Variants in NEDD1 observed in about 807,000 individuals in gnomAD.
NEDD1 encodes the protein protein NEDD1.
A neutral mutation model predicts 74.0 loss-of-function variants in NEDD1; 33 were observed. That is an observed-to-expected ratio of 0.45 (90% CI 0.34 to 0.60). NEDD1 has a LOEUF of 0.60. NEDD1 is among the 20% of genes least tolerant of loss of function. The probability of loss-of-function intolerance (pLI) is 0.01; values close to 1 mark genes in which losing one functional copy is unlikely to be tolerated. For synonymous variants in NEDD1, 250 were observed against 264.4 expected (o/e 0.95, Z 0.53); for missense variants, 746 against 776.5 (o/e 0.96, Z 0.47).
rs754872911 is a variant in NEDD1 at position 96,934,998 on chromosome 12, C to G, written c.512C>G (p.Ser171Cys). Residue 171 changes from serine to cysteine, a missense_variant, in exon 7 of 16, where the codon TCC becomes TGC. By Grantham distance (112) the Ser-to-Cys change is moderately radical (BLOSUM62 -1). This residue lies in a region of NEDD1 where 706 missense variants were observed against 706.7 expected (regional missense o/e 1.00). Coordinates refer to ENST00000266742, the MANE Select transcript of NEDD1 (RefSeq NM_152905.4). ...SNQSVRHLKY[S>C]LFKKSLLGSV... ...TAGTCTGTTCGGCACTTGAAGTACT[C>G]CTTGTTTAAGAAATCACTACTGGGC... 20 of 1,606,586 alleles carry G rather than the reference C, an allele frequency of 1.2e-5. No homozygotes were observed. The Admixed American group carries it at 3.3e-4, about 27-fold the overall frequency.
At chr12:96,912,294 T>C (rs1451853595) in intron 3 of NEDD1, among the ~76,000 whole-genome samples, 2 of 151,328 alleles carry the variant, frequency 1.3e-5, no homozygotes, top group Non-Finnish European at 2.9e-5. Flanking sequence ...AGGAGACTAG[T>C]GTGGATGTTT....
At chr12:96,922,091 G>A (rs1875164387) in intron 6 of NEDD1, among the ~76,000 whole-genome samples, 1 of 152,166 alleles carries the variant, frequency 6.6e-6, no homozygotes, top group Non-Finnish European at 1.5e-5. Context: ...GGTATTTAGG[G>A]AAATTAATCA....
intron 6 of NEDD1, among the ~76,000 whole-genome samples, chr12:96,929,094 T>C (rs1033700738): frequency 1.3e-5 from 2 of 151,966 alleles, no homozygotes; most frequent in African/African-American, 4.8e-5. Context: ...GATTTTTTGT[T>C]GTTGCATTTT....
chr12:96,923,788 TTG>T (rs10528785), intron 6 of NEDD1, among the ~76,000 whole-genome samples: 3,322 of 142,272 alleles, frequency 0.023, 82 homozygotes, highest in African/African-American at 0.057. Flanking sequence ...TAATACCTGT[TTG>T]TGTGTGTGTG....
intron 6 of NEDD1, among the ~76,000 whole-genome samples, chr12:96,932,999 C>CTTTTTTT (rs759478137): frequency 7.4e-6 from 1 of 135,230 alleles, no homozygotes; most frequent in Non-Finnish European, 1.6e-5. Context: ...TATCTTTAGC[C>CTTTTTTT]TTTTTTTTTT....
chr12:96,936,584 A>G (rs1338519064), intron 7 of NEDD1, 27 bp from the exon 8 acceptor site: 2 of 1,520,624 alleles, frequency 1.3e-6, no homozygotes, highest in East Asian at 2.3e-5. Context: ...TAACATTTCT[A>G]CACATACTTT....
intron 2 of NEDD1, among the ~76,000 whole-genome samples, chr12:96,909,443 C>T (rs1036061162): frequency 6.6e-6 from 1 of 152,032 alleles, no homozygotes; most frequent in Non-Finnish European, 1.5e-5. Flanking sequence ...ATGACTTTGC[C>T]TTTGCATGAG....
intron 6 of NEDD1, among the ~76,000 whole-genome samples, chr12:96,929,347 TG>T (rs1361013694): frequency 2.3e-5 from 1 of 42,922 alleles, no homozygotes; most frequent in Non-Finnish European, 4.9e-5. Flanking sequence ...TTTTTCTTAA[TG>T]TCTTGTATTT....
chr12:96,948,527 G>T (rs143778712), intron 14 of NEDD1, among the ~76,000 whole-genome samples: 1 of 151,870 alleles, frequency 6.6e-6, no homozygotes, highest in Non-Finnish European at 1.5e-5. Context: ...CTCAGCTCTC[G>T]GTTGAATTTA....
chr12:96,944,540 C>G (rs1207688194), intron 12 of NEDD1, 99 bp from the exon 13 acceptor site: 6 of 616,520 alleles, frequency 9.7e-6, no homozygotes, highest in Non-Finnish European at 1.6e-5. Flanking sequence ...TTCTATTAAC[C>G]TACATACTGG....
rs200348451 is a variant in NEDD1 at position 96,945,806 on chromosome 12, C to T, written c.1768C>T (p.Arg590Cys). 2.0e-5 allele frequency: 32 copies of T among 1,611,972 alleles called. No homozygotes were observed. The highest frequency in any genetic ancestry group is 1.7e-4 in the Middle Eastern group (1 of 6,058). The change falls in exon 14 of 16, where the codon CGT (arginine) becomes TGT (cysteine). Residue 590 changes from arginine (R) to cysteine (C), a missense_variant. By Grantham distance (180) the Arg-to-Cys change is radical. Around this residue, in one of 3 missense-constraint regions of NEDD1, gnomAD observed 706 missense variants for 706.7 expected, o/e 1.00. Transcript: ENST00000266742. ...TGCACCATTGACTTCCATTCAAATTCGTTTTATTCAGAACATGATACAGGA... is the reference window on the plus strand; with the variant it reads ...TGCACCATTGACTTCCATTCAAATTTGTTTTATTCAGAACATGATACAGGA... Reference protein sequence around the residue: ...QNAPLTSIQIRFIQNMIQETL... With the variant: ...QNAPLTSIQICFIQNMIQETL...
chr12:96,922,308 A>AG (rs66735119), intron 6 of NEDD1, among the ~76,000 whole-genome samples: 74,262 of 151,932 alleles, frequency 0.49, 18,455 homozygotes, highest in African/African-American at 0.55. Context: ...ATTTTGATAA[A>AG]GAGAGACATA....
Position 96,945,696 on chromosome 12 carries a change from C to T in NEDD1, c.1658C>T (p.Pro553Leu). The T allele has an allele frequency of 6.3e-7, 1 of 1,577,692 alleles. No individual in the cohort carries two copies. Among genetic ancestry groups the T allele is most frequent in the South Asian group, 1.1e-5 (1 of 90,040 alleles). The change falls in exon 14 of 16, where the codon CCA (proline) becomes CTA (leucine). Residue 553 changes from proline to leucine, a missense_variant. Pro to Leu is a moderately conservative substitution (Grantham distance 98, BLOSUM62 -3). Around this residue, in one of 3 missense-constraint regions of NEDD1, gnomAD observed 706 missense variants for 706.7 expected, o/e 1.00. Transcript: ENST00000266742. ...TTTTCTTCATTCTTTATTTTAGATCCAAAGATAGCATCTTCTGTCACTGCT... is the reference window on the plus strand; with the variant it reads ...TTTTCTTCATTCTTTATTTTAGATCTAAAGATAGCATCTTCTGTCACTGCT... ...PPINGSSTPN[P>L]KIASSVTAGV...
chr12:96,915,786 A>G (rs1215038352), intron 4 of NEDD1, among the ~76,000 whole-genome samples: 2 of 152,240 alleles, frequency 1.3e-5, no homozygotes, highest in African/African-American at 2.4e-5. Context: ...CATTCTATAA[A>G]GATGGAGCAT....
chr12:96,929,625 T>A (rs71440803), intron 6 of NEDD1, among the ~76,000 whole-genome samples: 4,202 of 106,570 alleles, frequency 0.039, 150 homozygotes, highest in East Asian at 0.11. Context: ...ATATATATAT[T>A]TTTTTTTTAA....
intron 9 of NEDD1, 48 bp downstream of exon 9, chr12:96,937,441 G>GT (rs67367047): frequency 8.4e-5 from 87 of 1,030,220 alleles, no homozygotes; most frequent in Non-Finnish European, 1.0e-4. Context: ...TTTTTTTTTT[G>GT]TTTTTTTGTT....
At chr12:96,907,966 G>A (rs1592846358) in intron 2 of NEDD1, 110 bp downstream of exon 2, 1 of 944,604 alleles carries the variant, frequency 1.1e-6, no homozygotes, top group Non-Finnish European at 1.4e-6. Context: ...TTTGAACCCA[G>A]TTTTTCTGAG....
At chr12:96,916,230 TTTATTATTA>T (rs140210892) in intron 4 of NEDD1, among the ~76,000 whole-genome samples, 56 of 145,416 alleles carry the variant, frequency 3.9e-4, no homozygotes, top group African/African-American at 1.2e-3. Context: ...CCGTTGAAGA[TTTATTATTA>T]TTATTATTAT....
chr12:96,917,819 C>A, intron 5 of NEDD1, 82 bp downstream of exon 5: 8 of 1,400,178 alleles, frequency 5.7e-6, no homozygotes, highest in South Asian at 1.6e-5. Flanking sequence ...TATTTTTGAG[C>A]TTTTATGATA....
Sources: allele counts gnomAD v4.1 joint callset (sites outside exome capture counted in the v4.1 genomes callset), GRCh38; gene constraint gnomAD v4.1.1; regional missense constraint gnomAD v4.1.1; transcripts MANE v1.5; gene names NCBI Gene and HGNC (gene_info 2026-07-23, HGNC 2026-07-21).